UIMC1: variants seen among roughly 807,000 people sequenced by gnomAD.
The protein encoded by UIMC1 is BRCA1-A complex subunit RAP80.
A neutral mutation model predicts 84.9 loss-of-function variants in UIMC1; 42 were observed. The observed-to-expected ratio is 0.49, with a 90% confidence interval of 0.39 to 0.64. UIMC1 has a LOEUF of 0.64. UIMC1 is among the 30% of genes least tolerant of loss of function. The pLI, the probability that UIMC1 is intolerant of heterozygous loss-of-function variation, is 0.00. For missense variants in UIMC1, 825 were observed against 847.6 expected (o/e 0.97, Z 0.33); for synonymous variants, 281 against 293.0 (o/e 0.96, Z 0.42).
chr5:176,970,614 A>T lies in UIMC1; in HGVS notation c.357+128T>A, dbSNP rs750864779. 3.5e-6 allele frequency: 5 copies of T among 1,442,738 alleles called. No homozygotes were observed. In the Admixed American group the frequency reaches 6.8e-5, roughly 20 times the overall value. The allele number at this position is 1,442,738 out of a possible 1,614,324, so 89.4% of individuals were successfully genotyped here. ...TCAACACAGACTTTAAAAAATTACT[A>T]TGGGAATTTTTGTTAGGTGAAAACC... On this transcript the variant is annotated intron_variant, in intron 4 of 14. Coordinates refer to ENST00000511320, the MANE Select transcript of UIMC1 (RefSeq NM_001199298.2).
At chr5:176,955,550 C>A (rs1215590158) in intron 8 of UIMC1, among the ~76,000 whole-genome samples, 1 of 152,084 alleles carries the variant, frequency 6.6e-6, no homozygotes, top group Non-Finnish European at 1.5e-5. Flanking sequence ...GCTATGATTG[C>A]ACCACCGCAC....
chr5:176,968,666 C>T lies in UIMC1; in HGVS notation c.1089G>A (p.Glu363=), dbSNP rs6865575. ...TTGAGTGCCAGTCAGATGCCCTAGA[C>T]TCCTGCCTCTCCTCTTTGTCTTCAT... ...MGDEDKEERQ[E]SRASDWHSKT... is the part of the protein sequence containing the mutation. Residue 363 remains glutamate (E), a synonymous_variant, in exon 6 of 15, where the codon GAG becomes GAA. Coordinates refer to ENST00000511320, the MANE Select transcript of UIMC1 (RefSeq NM_001199298.2). 8,203 of 1,614,082 alleles carry T rather than the reference C, an allele frequency of 5.1e-3. 413 individuals are homozygous for T. In the African/African-American group the frequency reaches 0.097, roughly 19 times the overall value.
At chr5:176,949,123 TTTA>T (rs750125661) in intron 9 of UIMC1, among the ~76,000 whole-genome samples, 1 of 151,818 alleles carries the variant, frequency 6.6e-6, no homozygotes, top group African/African-American at 2.4e-5. Flanking sequence ...TTTTTTAAAT[TTTA>T]TTATTATTAT....
In UIMC1 at chr5:176,906,205, T is replaced by A. The variant is rs1042025076; in HGVS notation, c.1913-158A>T. 7.8e-6 allele frequency: 5 copies of A among 638,588 alleles called. No homozygotes were observed. In the African/African-American group the frequency reaches 9.2e-5, roughly 12 times the overall value. 39.6% of individuals were successfully genotyped at this position (638,588 alleles called of 1,614,324 possible). A position where few individuals can be genotyped will look rare whatever the true frequency, so the allele number is the denominator to read the frequency against. On this transcript the variant is annotated intron_variant, in intron 13 of 14. Coordinates refer to ENST00000511320, the MANE Select transcript of UIMC1 (RefSeq NM_001199298.2). ...CCCCTAAACCCACAGACGGTGAGCA[T>A]TAGTGTCCAACAGACTCAGCTGCAG...
chr5:176,993,674 C>T (rs992290737), intron 1 of UIMC1, among the ~76,000 whole-genome samples: 12 of 152,036 alleles, frequency 7.9e-5, no homozygotes, highest in African/African-American at 2.9e-4. Context: ...ACTTTTTTAA[C>T]TATATGAATA....
chr5:176,951,621 G>A, intron 8 of UIMC1, 44 bp from the exon 9 acceptor site: 2 of 1,443,638 alleles, frequency 1.4e-6, no homozygotes, highest in East Asian at 2.4e-5. Flanking sequence ...TTCATTTTGT[G>A]TTTTCATAAT....
intron 2 of UIMC1, among the ~76,000 whole-genome samples, chr5:176,980,883 G>A (rs1241037168): frequency 6.6e-6 from 1 of 151,978 alleles, no homozygotes; most frequent in African/African-American, 2.4e-5. Context: ...TGGGACTACA[G>A]GCACACGCCA....
At chr5:176,932,858 C>CTTTTTTT (rs749495757) in intron 10 of UIMC1, among the ~76,000 whole-genome samples, 1 of 106,686 alleles carries the variant, frequency 9.4e-6, no homozygotes, top group African/African-American at 4.4e-5. Flanking sequence ...AATAGCAATG[C>CTTTTTTT]TTTTTTTTTT....
At chr5:177,015,172 C>T (rs1775644816) in intron 1 of UIMC1, among the ~76,000 whole-genome samples, 2 of 152,280 alleles carry the variant, frequency 1.3e-5, no homozygotes, top group South Asian at 2.1e-4. Flanking sequence ...AAGTAGTTTA[C>T]GGAGATTATA....
intron 10 of UIMC1, among the ~76,000 whole-genome samples, chr5:176,936,411 C>T (rs187332283): frequency 3.5e-4 from 53 of 152,310 alleles, no homozygotes; most frequent in African/African-American, 1.2e-3. Flanking sequence ...AAAATATTGA[C>T]TCTATTTTCC....
chr5:176,919,105 C>T (rs1761389709), intron 10 of UIMC1: 1 of 288,380 alleles, frequency 3.5e-6, no homozygotes, highest in African/African-American at 2.3e-5. Flanking sequence ...AATATAACTT[C>T]ACTGAGATAT....
intron 1 of UIMC1, among the ~76,000 whole-genome samples, chr5:176,984,722 G>T (rs143344892): frequency 0.033 from 4,987 of 152,124 alleles, 294 homozygotes; most frequent in African/African-American, 0.11. Context: ...AGTAGACATA[G>T]GAGACTCCAT....
intron 4 of UIMC1, 111 bp downstream of exon 4, chr5:176,970,631 G>T: frequency 6.4e-7 from 1 of 1,553,704 alleles, no homozygotes; most frequent in Non-Finnish European, 8.8e-7. Context: ...TTTTTGTTAG[G>T]TGAAAACCCT....
chr5:176,952,559 C>G (rs1251538831), intron 8 of UIMC1, among the ~76,000 whole-genome samples: 1 of 152,230 alleles, frequency 6.6e-6, no homozygotes. Flanking sequence ...TGTTTTTGCA[C>G]TAAAATGGCC....
intron 3 of UIMC1, among the ~76,000 whole-genome samples, chr5:176,972,140 C>T (rs1485059273): frequency 6.6e-6 from 1 of 152,148 alleles, no homozygotes; most frequent in African/African-American, 2.4e-5. Flanking sequence ...GTGGCTCACG[C>T]CTGTAATCCC....
upstream of UIMC1, among the ~76,000 whole-genome samples, chr5:177,010,458 T>C (rs1240548713): frequency 6.6e-6 from 1 of 152,004 alleles, no homozygotes; most frequent in Non-Finnish European, 1.5e-5. Context: ...TAATACCACA[T>C]GTTTTTGAAG....
At chr5:176,938,753 T>G (rs542348741) in intron 10 of UIMC1, among the ~76,000 whole-genome samples, 1 of 152,348 alleles carries the variant, frequency 6.6e-6, no homozygotes, top group South Asian at 2.1e-4. Context: ...CCACTCTTTC[T>G]GGGATCTCAT....
At chr5:176,948,760 G>T (rs1765449328) in intron 9 of UIMC1, among the ~76,000 whole-genome samples, 1 of 152,092 alleles carries the variant, frequency 6.6e-6, no homozygotes, top group African/African-American at 2.4e-5. Context: ...GGTGGAGCTG[G>T]GATTTAAAGC....
chr5:176,952,320 T>C (rs946998259), intron 8 of UIMC1, among the ~76,000 whole-genome samples: 4 of 152,250 alleles, frequency 2.6e-5, no homozygotes, highest in African/African-American at 7.2e-5. Flanking sequence ...TTCTTTAATA[T>C]ATTCTTTAAG....
Sources: gnomAD v4.1 joint callset for allele counts (sites outside exome capture counted in the v4.1 genomes callset) on GRCh38, gnomAD v4.1.1 for gene constraint, MANE v1.5 for transcripts, NCBI Gene and HGNC (gene_info 2026-07-23, HGNC 2026-07-21) for gene names.